Variants in RBBP6 observed in about 807,000 individuals in gnomAD.
RBBP6 encodes the protein RB binding protein 6, ubiquitin ligase.
In RBBP6, 25 loss-of-function variants were observed where a neutral mutation model predicts 167.7. The ratio of observed to expected loss-of-function variants is 0.15; its 90% CI spans 0.11 to 0.21. The LOEUF (loss-of-function observed/expected upper bound fraction) is 0.21, where lower values mean the gene tolerates loss of function less well. RBBP6 is among the 10% of genes least tolerant of loss of function. RBBP6 has a pLI of 1.00. For missense variants in RBBP6, 1,868 were observed against 2,134.2 expected, an observed-to-expected ratio of 0.88 and a Z score of 2.46; for synonymous variants, 789 against 735.8, an observed-to-expected ratio of 1.07 and a Z score of -1.17.
At chr16:24,553,329 A>G (rs1276733944) in intron 3 of RBBP6, 184 bp from the exon 4 acceptor site, 8 of 491,074 alleles carry the variant, frequency 1.6e-5, no homozygotes, top group Non-Finnish European at 2.2e-5. Flanking sequence ...ATAGCTTTTT[A>G]TAACTGTGTG....
At position 24,540,364 on chromosome 16, in the gene RBBP6, C is replaced by G. The variant is rs1428515115; in HGVS notation, c.-263C>G. The stretch of plus-strand genomic sequence containing the variant: ...GGACCCAGCCGGGTGACATTGTGCC[C>G]GTTGGCGGATTCTCGATTTCCCCTC... On this transcript the variant is annotated 5_prime_UTR_variant, in exon 1 of 18. Transcript: ENST00000319715. 4 of 358,922 alleles carry G rather than the reference C, an allele frequency of 1.1e-5. No individual in the cohort carries two copies. The highest frequency in any genetic ancestry group is 3.9e-5 in the South Asian group (1 of 25,678). 22.2% of individuals were successfully genotyped at this position (358,922 alleles called of 1,614,324 possible).
Position 24,571,366 on chromosome 16 carries a change from C to G in RBBP6, c.4300C>G (p.Leu1434Val), listed in dbSNP as rs768495546. ...QPEKESNLDR[L>V]NEQGNFKSLS... ...AGAGAAAGAGAGTAATTTGGACCGT[C>G]TGAATGAACAAGGAAATTTTAAAAG... Residue 1434 changes from leucine (L) to valine (V), a missense_variant, in exon 18 of 18, where the codon CTG (leucine) becomes GTG (valine). By Grantham distance (32) the Leu-to-Val change is conservative. Coordinates refer to ENST00000319715, the MANE Select transcript of RBBP6 (RefSeq NM_006910.5). The G allele has an allele frequency of 6.2e-7, 1 of 1,614,002 alleles. No individual in the cohort carries two copies. Among genetic ancestry groups the G allele is most frequent in the East Asian group, 2.2e-5 (1 of 44,876 alleles).
Position 24,570,967 on chromosome 16 carries a change from A to G in RBBP6, c.3901A>G (p.Asn1301Asp), listed in dbSNP as rs1899312479. Residue 1301 changes from asparagine to aspartate, a missense_variant, in exon 18 of 18, where the codon AAT becomes GAT. Physicochemically the swap from Asn to Asp is conservative, Grantham distance 23. Around this residue, in one of 7 missense-constraint regions of RBBP6, gnomAD observed 19 missense variants for 40.5 expected, o/e 0.47. Coordinates refer to ENST00000319715, the MANE Select transcript of RBBP6 (RefSeq NM_006910.5). ...TVIKTMEEYN[N>D]DNTAPAEDVI... ...GATTAAAACGATGGAAGAATATAAT[A>G]ATGACAATACCGCGCCAGCTGAAGA... 2 of 1,610,870 alleles carry G rather than the reference A, an allele frequency of 1.2e-6. No individual in the cohort carries two copies. Among genetic ancestry groups the G allele is most frequent in the Non-Finnish European group, 8.5e-7 (1 of 1,177,398 alleles).
Position 24,567,276 on chromosome 16 carries a change from C to T in RBBP6, c.1723C>T (p.Pro575Ser), listed in dbSNP as rs1255790337. 3 of 1,614,150 alleles carry T rather than the reference C, an allele frequency of 1.9e-6. No homozygotes were observed. In the South Asian group the frequency reaches 3.3e-5, roughly 18 times the overall value. The change falls in exon 15 of 18, where the codon CCT becomes TCT. Residue 575 changes from proline (P) to serine (S), a missense_variant. Pro to Ser is a moderately conservative substitution (Grantham distance 74). Transcript: ENST00000319715. Reference sequence around the variant, plus strand: ...GCCTCCTCCCCATACACTTCCTCTCCCTCCGGGTGTTCCTCCTCCACAGTT... The same window carrying T: ...GCCTCCTCCCCATACACTTCCTCTCTCTCCGGGTGTTCCTCCTCCACAGTT... Reference protein sequence around the residue: ...YPPPPHTLPLPPGVPPPQFSP... With the variant: ...YPPPPHTLPLSPGVPPPQFSP...
chr16:24,545,412 T>C (rs773688085), intron 1 of RBBP6, among the ~76,000 whole-genome samples: 3 of 152,328 alleles, frequency 2.0e-5, no homozygotes, highest in East Asian at 1.9e-4. Context: ...ATAATCACTT[T>C]GCTTAAAATC....
At chr16:24,553,716 A>T (rs1189145832) in intron 4 of RBBP6, 159 bp downstream of exon 4, 1 of 435,258 alleles carries the variant, frequency 2.3e-6, no homozygotes. Flanking sequence ...TGTTTTGAGA[A>T]GATAGGGGAA....
intron 13 of RBBP6, among the ~76,000 whole-genome samples, chr16:24,563,903 T>C (rs1179107521): frequency 2.0e-5 from 3 of 152,238 alleles, no homozygotes; most frequent in Admixed American, 6.5e-5. Flanking sequence ...TAAAAGTTTT[T>C]TTCTACTTTC....
chr16:24,564,726 C>T (rs1017965124), intron 13 of RBBP6, 71 bp from the exon 14 acceptor site: 3 of 1,517,014 alleles, frequency 2.0e-6, no homozygotes, highest in South Asian at 1.4e-5. Context: ...GTCTTAACAG[C>T]TATGCATGGA....
rs560890685 is a variant in RBBP6, at chr16:24,558,125, A to G, written c.675-1380A>G. On this transcript the variant is annotated intron_variant, in intron 7 of 17. Transcript: ENST00000319715. ...CAATTAAGAGCAGACCGCTTCATCT[A>G]TATTATGTAAAATTTTTAAGTAAAA... 4.6e-5 allele frequency among the ~76,000 whole-genome samples: 7 copies of G among 152,314 alleles called. No homozygotes were observed. The East Asian group carries it at 9.6e-4, about 21-fold the overall frequency.
At chr16:24,552,082 G>A (rs886127423) in intron 3 of RBBP6, among the ~76,000 whole-genome samples, 9 of 151,714 alleles carry the variant, frequency 5.9e-5, no homozygotes, top group African/African-American at 2.2e-4. Flanking sequence ...TATAGGGTTA[G>A]TGCATCATGA....
intron 4 of RBBP6, chr16:24,554,643 CACTT>C (rs769564459): frequency 5.3e-5 from 8 of 152,038 alleles, no homozygotes; most frequent in Non-Finnish European, 8.8e-5. Context: ...ATAGAGTTAA[CACTT>C]AGAAGTTTAT....
At position 24,569,119 on chromosome 16, in the gene RBBP6, C is replaced by G. The variant is rs1372298104; in HGVS notation, c.2429C>G (p.Ala810Gly). Residue 810 changes from alanine (A) to glycine (G), a missense_variant, in exon 17 of 18, where the codon GCA (alanine) becomes GGA (glycine). Transcript: ENST00000319715. ...GTTCCACCACCATATGACATGAAAGCATATTATGGGAGAAGTGTTGACTTT... is the reference window on the plus strand; with the variant it reads ...GTTCCACCACCATATGACATGAAAGGATATTATGGGAGAAGTGTTGACTTT... The part of the protein sequence containing the change: ...REVPPPYDMK[A>G]YYGRSVDFRD... 1.2e-6 allele frequency: 2 copies of G among 1,613,072 alleles called. No individual in the cohort carries two copies. The highest frequency in any genetic ancestry group is 1.7e-5 in the Admixed American group (1 of 59,762).
intron 3 of RBBP6, chr16:24,553,039 C>G (rs1003155087): frequency 6.6e-6 from 1 of 151,998 alleles, no homozygotes; most frequent in Non-Finnish European, 1.5e-5. Context: ...AGTATGTTTT[C>G]AAAAATTAAA....
chr16:24,564,552 A>G (rs1481082540), intron 13 of RBBP6, among the ~76,000 whole-genome samples: 1 of 152,220 alleles, frequency 6.6e-6, no homozygotes, highest in Non-Finnish European at 1.5e-5. Flanking sequence ...AAAATATAAT[A>G]TTACATAAAG....
chr16:24,545,711 C>T (rs751549913), intron 1 of RBBP6, among the ~76,000 whole-genome samples: 7 of 152,134 alleles, frequency 4.6e-5, no homozygotes, highest in Non-Finnish European at 1.0e-4. Flanking sequence ...ATTAGAAAAC[C>T]ATTTTCTCTT....
In RBBP6 at chr16:24,569,190, T is replaced by C; in HGVS notation, c.2500T>C (p.Tyr834His). ...KERYREWERK[Y>H]REWYEKYYKG... is the part of the protein sequence containing the mutation. Reference sequence around the variant, plus strand: ...ACGCTACCGAGAATGGGAGAGAAAATATAGAGAGTGGTATGAAAAATATTA... The same window carrying C: ...ACGCTACCGAGAATGGGAGAGAAAACATAGAGAGTGGTATGAAAAATATTA... Residue 834 changes from tyrosine to histidine, a missense_variant, in exon 17 of 18, where the codon TAT (tyrosine) becomes CAT (histidine). By Grantham distance (83) the Tyr-to-His change is moderately conservative. Around this residue, in one of 7 missense-constraint regions of RBBP6, gnomAD observed 673 missense variants for 691.5 expected, o/e 0.97. Transcript: ENST00000319715. The C allele has an allele frequency of 6.2e-7, 1 of 1,613,284 alleles. No individual in the cohort carries two copies. Among genetic ancestry groups the C allele is most frequent in the Non-Finnish European group, 8.5e-7 (1 of 1,179,806 alleles).
In RBBP6 at chr16:24,571,900, G is replaced by A. The variant is rs1225410576; in HGVS notation, c.4834G>A (p.Val1612Ile). 4.3e-6 allele frequency: 7 copies of A among 1,614,130 alleles called. No homozygotes were observed. The highest frequency in any genetic ancestry group is 5.1e-6 in the Non-Finnish European group (6 of 1,180,010). ...TACTGGGCAAATTGACAAGAGTACT[G>A]TCAAGCCTAAACCCCAGTTAAGTCA... The part of the protein sequence containing the change: ...QITGQIDKST[V>I]KPKPQLSHSS... Residue 1612 changes from valine to isoleucine, a missense_variant, in exon 18 of 18, where the codon GTC becomes ATC. By Grantham distance (29) the Val-to-Ile change is conservative (BLOSUM62 3). This residue lies in a region of RBBP6 where 591 missense variants were observed against 540.5 expected (regional missense o/e 1.09). Transcript: ENST00000319715.
At position 24,568,987 on chromosome 16, in the gene RBBP6, A is replaced by G. The variant is rs745683220; in HGVS notation, c.2297A>G (p.Tyr766Cys). 3.7e-6 allele frequency: 6 copies of G among 1,614,046 alleles called. No individual in the cohort carries two copies. The Admixed American group carries it at 6.7e-5, about 18-fold the overall frequency. Residue 766 changes from tyrosine (Y) to cysteine (C), a missense_variant, in exon 17 of 18, where the codon TAT (tyrosine) becomes TGT (cysteine). Around this residue, in one of 7 missense-constraint regions of RBBP6, gnomAD observed 673 missense variants for 691.5 expected, o/e 0.97. Coordinates refer to ENST00000319715, the MANE Select transcript of RBBP6 (RefSeq NM_006910.5). ...TCAAGGTCACCCCCTTACAGACGCT[A>G]TCATTCACGATCAAGATCTCCTCAA... Reference protein sequence around the residue: ...SRSRSPPYRRYHSRSRSPQAF... With the variant: ...SRSRSPPYRRCHSRSRSPQAF...
intron 14 of RBBP6, among the ~76,000 whole-genome samples, chr16:24,566,262 G>A (rs1241675367): frequency 6.6e-6 from 1 of 152,194 alleles, no homozygotes; most frequent in Non-Finnish European, 1.5e-5. Flanking sequence ...TAGTTTAACA[G>A]AAGTAACCAG....
Sources: allele counts gnomAD v4.1 joint callset (sites outside exome capture counted in the v4.1 genomes callset), GRCh38; gene constraint gnomAD v4.1.1; regional missense constraint gnomAD v4.1.1; transcripts MANE v1.5; gene names NCBI Gene and HGNC (gene_info 2026-07-23, HGNC 2026-07-21).